The following IVNS1ABP variants were observed in gnomAD, a reference collection of about 807,000 sequenced individuals.
The protein encoded by IVNS1ABP is influenza virus NS1A-binding protein.
Under a neutral mutation model 78.9 loss-of-function variants are expected in IVNS1ABP, and 25 were observed. The observed-to-expected ratio is 0.32, with a 90% CI of 0.23 to 0.44. IVNS1ABP has a LOEUF of 0.44. Ranked by LOEUF, IVNS1ABP falls within the 20% of genes least tolerant of loss-of-function variation. The probability of loss-of-function intolerance (pLI) is 1.00; values close to 1 mark genes in which losing one functional copy is unlikely to be tolerated. For synonymous variants in IVNS1ABP, 241 were observed against 259.7 expected (o/e 0.93, Z 0.69); for missense variants, 494 against 768.9 (o/e 0.64, Z 4.23).
chr1:185,300,712 T>C (rs1665569301), intron 10 of IVNS1ABP, 154 bp from the exon 11 acceptor site: 4 of 799,668 alleles, frequency 5.0e-6, no homozygotes, highest in Non-Finnish European at 7.8e-6. Context: ...GTGCTTGTAA[T>C]AGCTGAAAAA....
At position 185,296,749 on chromosome 1, in the gene IVNS1ABP, A is replaced by C. The variant is rs1389138313; in HGVS notation, c.*1286T>G. The C allele has an allele frequency of 6.6e-6, 1 of 152,178 alleles. No homozygotes were observed. The highest frequency in any genetic ancestry group is 2.4e-5 in the African/African-American group (1 of 41,464). The allele number at this position is 152,178 out of a possible 1,614,324, so 9.4% of individuals were successfully genotyped here. On this transcript the variant is annotated 3_prime_UTR_variant, in exon 15 of 15. Transcript: ENST00000367498. ...TGTGTGCTTCATCTTCTGTGAGAAAAAAAAACCTTATATCATTCCTTATTT... is the reference window on the plus strand; with the variant it reads ...TGTGTGCTTCATCTTCTGTGAGAAACAAAAACCTTATATCATTCCTTATTT...
In IVNS1ABP at chr1:185,317,112, G is replaced by A. The variant is rs1311764314; in HGVS notation, c.-406C>T. 2.6e-6 allele frequency: 1 copy of A among 385,142 alleles called. No individual in the cohort carries two copies. The highest frequency in any genetic ancestry group is 4.5e-6 in the Non-Finnish European group (1 of 220,528). The allele number at this position is 385,142 out of a possible 1,614,324, so 23.9% of individuals were successfully genotyped here. A position where few individuals can be genotyped will look rare whatever the true frequency, so the allele number is the denominator to read the frequency against. On this transcript the variant is annotated 5_prime_UTR_variant, in exon 1 of 15. Coordinates refer to ENST00000367498, the MANE Select transcript of IVNS1ABP (RefSeq NM_006469.5). ...AGGGGCCAGTCCGTGGAGACTGAAA[G>A]GAAGGGGGAGCGCCACCGAGAACTC...
At position 185,317,237 on chromosome 1, in the gene IVNS1ABP, A is replaced by G. The variant is rs1666065016; in HGVS notation, c.-531T>C. 2.5e-6 allele frequency: 1 copy of G among 398,182 alleles called. No individual in the cohort carries two copies. Among genetic ancestry groups the G allele is most frequent in the African/African-American group, 2.1e-5 (1 of 48,498 alleles). The allele number at this position is 398,182 out of a possible 1,614,324, so 24.7% of individuals were successfully genotyped here. ...CGACCGACCTCCACGCGCGACCGGG[A>G]GACACTGCCTCCGCCGCCGCCGACC... On this transcript the variant is annotated 5_prime_UTR_variant, in exon 1 of 15. Transcript: ENST00000367498.
chr1:185,309,314 A>C, intron 3 of IVNS1ABP, 69 bp downstream of exon 3: 1 of 1,269,184 alleles, frequency 7.9e-7, no homozygotes, highest in Non-Finnish European at 1.1e-6. Context: ...AAAAGAAATA[A>C]GCAAATCTAA....
In IVNS1ABP at chr1:185,296,627, T is replaced by G. The variant is rs1665425482; in HGVS notation, c.*1408A>C. 6.6e-6 allele frequency: 1 copy of G among 152,142 alleles called. No homozygotes were observed. The allele number at this position is 152,142 out of a possible 1,614,324, so 9.4% of individuals were successfully genotyped here. ...AAGTGGCAGAGTACCAGTGAACATT[T>G]GGAGAAAATACCTAATTATTTTCTT... On this transcript the variant is annotated 3_prime_UTR_variant, in exon 15 of 15. Coordinates refer to ENST00000367498, the MANE Select transcript of IVNS1ABP (RefSeq NM_006469.5).
chr1:185,296,595 A>G lies in IVNS1ABP; in HGVS notation c.*1440T>C, dbSNP rs1665424771. ...GGTGGTTCTTTGTGTAACAGATGAG[A>G]GAAATAAAGTGGCAGAGTACCAGTG... is the stretch of plus-strand genomic sequence containing the variant. On this transcript the variant is annotated 3_prime_UTR_variant, in exon 15 of 15. Transcript: ENST00000367498. 6.6e-6 allele frequency: 1 copy of G among 152,136 alleles called. No individual in the cohort carries two copies. Among genetic ancestry groups the G allele is most frequent in the Non-Finnish European group, 1.5e-5 (1 of 68,012 alleles). 9.4% of individuals were successfully genotyped at this position (152,136 alleles called of 1,614,324 possible).
chr1:185,310,480 C>T (rs1054585386), intron 2 of IVNS1ABP, among the ~76,000 whole-genome samples: 10 of 152,118 alleles, frequency 6.6e-5, no homozygotes, highest in African/African-American at 1.7e-4. Flanking sequence ...TGGTGGCGGG[C>T]GCCTGTAATC....
chr1:185,317,172 C>G lies in IVNS1ABP; in HGVS notation c.-466G>C, dbSNP rs1449147278. On this transcript the variant is annotated 5_prime_UTR_variant, in exon 1 of 15. Coordinates refer to ENST00000367498, the MANE Select transcript of IVNS1ABP (RefSeq NM_006469.5). ...CGCTCGCTCGCCGATACAGCCGCGC[C>G]GAAGCAGCAGGCGGAGAAACTGCGC... 2.5e-6 allele frequency: 1 copy of G among 398,430 alleles called. No individual in the cohort carries two copies. Among genetic ancestry groups the G allele is most frequent in the Non-Finnish European group, 4.4e-6 (1 of 226,048 alleles). The allele number at this position is 398,430 out of a possible 1,614,324, so 24.7% of individuals were successfully genotyped here.
At chr1:185,308,766 C>T (rs745958202) in intron 5 of IVNS1ABP, 34 bp downstream of exon 5, 139 of 1,468,412 alleles carry the variant, frequency 9.5e-5, no homozygotes, top group Non-Finnish European at 1.1e-4. Context: ...AAATAAGACT[C>T]CATAAATGAT....
At chr1:185,300,194 T>C (rs1050678708) in intron 12 of IVNS1ABP, 23 bp downstream of exon 12, 2 of 1,610,696 alleles carry the variant, frequency 1.2e-6, no homozygotes, top group Admixed American at 3.3e-5. Context: ...ATACTGGATA[T>C]CTCAGGAGAA....
Position 185,304,680 on chromosome 1 carries a change from T to G in IVNS1ABP, c.765+856A>C, listed in dbSNP as rs1015039533. On this transcript the variant is annotated intron_variant, in intron 8 of 14. Transcript: ENST00000367498. ...TTTTTCAAGCATAGCCAAACTAATT[T>G]AATGTGTCAGAAGGTAGGATAATGG... 9.2e-5 allele frequency among the ~76,000 whole-genome samples: 14 copies of G among 152,268 alleles called. No individual in the cohort carries two copies. In the South Asian group the frequency reaches 2.9e-3, roughly 32 times the overall value.
rs1032188420 is a variant in IVNS1ABP, at chr1:185,307,623, T to C, written c.397A>G (p.Ser133Gly). The C allele has an allele frequency of 1.2e-6, 2 of 1,613,620 alleles. No individual in the cohort carries two copies. Residue 133 changes from serine to glycine, a missense_variant, in exon 6 of 15, where the codon AGC becomes GGC. Physicochemically the swap from Ser to Gly is moderately conservative, Grantham distance 56. Coordinates refer to ENST00000367498, the MANE Select transcript of IVNS1ABP (RefSeq NM_006469.5). Reference sequence around the variant, plus strand: ...GCAAAATTTCGGTAAGAGATGCAGCTGGTAACATCCATTCTAGACAGTAAA... The same window carrying C: ...GCAAAATTTCGGTAAGAGATGCAGCCGGTAACATCCATTCTAGACAGTAAA... ...DYLLSRMDVT[S>G]CISYRNFASC... is the part of the protein sequence containing the mutation.
chr1:185,304,698 G>A (rs530353917), intron 8 of IVNS1ABP, among the ~76,000 whole-genome samples: 20 of 152,234 alleles, frequency 1.3e-4, no homozygotes, highest in African/African-American at 4.8e-4. Context: ...CAGAAGGTAG[G>A]ATAATGGTTT....
intron 1 of IVNS1ABP, among the ~76,000 whole-genome samples, chr1:185,313,649 T>TAG (rs1442050530): frequency 6.6e-6 from 1 of 152,102 alleles, no homozygotes; most frequent in African/African-American, 2.4e-5. Context: ...GCACGATAAC[T>TAG]AGTGGAATTA....
intron 14 of IVNS1ABP, chr1:185,299,420 AT>A: frequency 2.6e-6 from 1 of 386,128 alleles, no homozygotes; most frequent in Non-Finnish European, 4.8e-6. Flanking sequence ...GAAACTCAAA[AT>A]TCAAGATGAT....
chr1:185,310,049 C>A (rs772948463), intron 2 of IVNS1ABP, among the ~76,000 whole-genome samples: 1 of 152,134 alleles, frequency 6.6e-6, no homozygotes, highest in Non-Finnish European at 1.5e-5. Flanking sequence ...AGAAAATTGC[C>A]TAATGTCTTC....
At chr1:185,309,744 C>T (rs1665835627) in intron 2 of IVNS1ABP, among the ~76,000 whole-genome samples, 1 of 152,300 alleles carries the variant, frequency 6.6e-6, no homozygotes, top group African/African-American at 2.4e-5. Flanking sequence ...TAGCAGCTAT[C>T]TCGACAATTT....
At chr1:185,301,826 C>A in intron 8 of IVNS1ABP, 1 of 247,584 alleles carries the variant, frequency 4.0e-6, no homozygotes, top group Non-Finnish European at 7.7e-6. Context: ...AAACATGTTG[C>A]AAATCAAGAC....
intron 9 of IVNS1ABP, 72 bp downstream of exon 9, chr1:185,301,362 G>A: frequency 6.6e-7 from 1 of 1,525,408 alleles, no homozygotes; most frequent in Non-Finnish European, 9.1e-7. Flanking sequence ...AATTTAAGAG[G>A]TATTAAATTG....
Sources: allele counts gnomAD v4.1 joint callset (sites outside exome capture counted in the v4.1 genomes callset), GRCh38; gene constraint gnomAD v4.1.1; transcripts MANE v1.5; gene names NCBI Gene and HGNC (gene_info 2026-07-23, HGNC 2026-07-21).